Variants in ADGRB1 observed in about 807,000 individuals in gnomAD.
ADGRB1 encodes the protein brain-specific angiogenesis inhibitor 1.
ADGRB1 carries 36 observed loss-of-function variants against 175.7 expected under a neutral mutation model. The observed-to-expected ratio is 0.20, with a 90% CI of 0.16 to 0.27. The LOEUF (loss-of-function observed/expected upper bound fraction) is 0.27. ADGRB1 is among the 10% of genes least tolerant of loss of function. ADGRB1 has a pLI of 1.00. For missense variants in ADGRB1, 1,731 were observed against 2,255.3 expected (o/e 0.77, Z 4.71); for synonymous variants, 1,054 against 979.4 (o/e 1.08, Z -1.42).
chr8:142,511,034 C>T lies in ADGRB1; in HGVS notation c.2778C>T (p.Leu926=). ...GGACGCGCTGCCTCTGTGACCGGCT[C>T]TCCACCTTCGCCATCTTAGCCCAGC... ...ALRTRCLCDR[L]STFAILAQLS... The change falls in exon 18 of 31, where the codon CTC becomes CTT. Residue 926 remains leucine (L), a synonymous_variant. Transcript: ENST00000517894. This position sits in a 1 kb window ranked among gnomAD's most constrained non-coding sequence, Gnocchi z 4.5. The T allele has an allele frequency of 7.7e-7, 1 of 1,302,208 alleles. No individual in the cohort carries two copies. Among genetic ancestry groups the T allele is most frequent in the Non-Finnish European group, 9.9e-7 (1 of 1,007,466 alleles). The allele number at this position is 1,302,208 out of a possible 1,614,324, so 80.7% of individuals were successfully genotyped here.
intron 13 of ADGRB1, among the ~76,000 whole-genome samples, chr8:142,486,411 T>C (rs1174502030): frequency 6.6e-6 from 1 of 152,244 alleles, no homozygotes; most frequent in Non-Finnish European, 1.5e-5. Flanking sequence ...AGACCTGCCA[T>C]GACCGGGTTG....
intron 17 of ADGRB1, among the ~76,000 whole-genome samples, chr8:142,497,186 C>T (rs1239960173): frequency 6.6e-6 from 1 of 152,232 alleles, no homozygotes; most frequent in Non-Finnish European, 1.5e-5. Flanking sequence ...ATGGTTGTTC[C>T]CATCTGGCCT....
At position 142,464,126 on chromosome 8, in the gene ADGRB1, A is replaced by C; in HGVS notation, c.-73A>C. On this transcript the variant is annotated 5_prime_UTR_variant, in exon 2 of 31. Coordinates refer to ENST00000517894, the MANE Select transcript of ADGRB1 (RefSeq NM_001702.3). ...CCGGGCCGGCCCTGCCCGCCGCCGG[A>C]CCCTGGCATGTCAAGACCTGGTCCG... 9 of 920,432 alleles carry C rather than the reference A, an allele frequency of 9.8e-6. No homozygotes were observed. Among genetic ancestry groups the C allele is most frequent in the Non-Finnish European group, 1.2e-5 (9 of 769,256 alleles). 57.0% of individuals were successfully genotyped at this position (920,432 alleles called of 1,614,324 possible). A position where few individuals can be genotyped will look rare whatever the true frequency, so the allele number is the denominator to read the frequency against.
intron 2 of ADGRB1, among the ~76,000 whole-genome samples, chr8:142,469,150 TGC>T (rs1205396034): frequency 9.6e-5 from 2 of 20,728 alleles, no homozygotes; most frequent in African/African-American, 1.8e-4. Context: ...TGTGTGTGCA[TGC>T]GTGCATGTGT....
intron 16 of ADGRB1, 94 bp from the exon 17 acceptor site, chr8:142,490,678 T>C: frequency 1.4e-6 from 2 of 1,412,524 alleles, no homozygotes; most frequent in Non-Finnish European, 1.9e-6. Context: ...GTAGCATGCC[T>C]GGTAGCACAC....
intron 19 of ADGRB1, among the ~76,000 whole-genome samples, chr8:142,518,754 T>C (rs1843594859): frequency 6.6e-6 from 1 of 152,242 alleles, no homozygotes; most frequent in Admixed American, 6.5e-5. Flanking sequence ...AGCAGTAACA[T>C]GCCTGTTGAG....
intron 1 of ADGRB1, among the ~76,000 whole-genome samples, chr8:142,458,768 AC>A (rs774340736): frequency 1.4e-4 from 22 of 152,246 alleles, no homozygotes; most frequent in Non-Finnish European, 1.6e-4. Context: ...GGGCAGTTTG[AC>A]CCTGGAGAAG....
chr8:142,476,796 A>G (rs1316591464), intron 4 of ADGRB1, 101 bp downstream of exon 4: 1 of 1,197,768 alleles, frequency 8.3e-7, no homozygotes, highest in Non-Finnish European at 1.2e-6. Flanking sequence ...ATAACATGCC[A>G]TAACTAGACT....
intron 1 of ADGRB1, among the ~76,000 whole-genome samples, chr8:142,453,887 G>A (rs553167962): frequency 4.6e-5 from 7 of 152,302 alleles, no homozygotes; most frequent in African/African-American, 7.2e-5. Flanking sequence ...TCAGAGGTCC[G>A]GGCAGAAGGA....
chr8:142,470,167 A>AC (rs1563685886), intron 2 of ADGRB1, among the ~76,000 whole-genome samples: 3 of 149,498 alleles, frequency 2.0e-5, no homozygotes, highest in African/African-American at 7.5e-5. Flanking sequence ...CCCACGCCCC[A>AC]CCGCCCCCCA....
chr8:142,470,035 C>T (rs546097593), intron 2 of ADGRB1, among the ~76,000 whole-genome samples: 1 of 152,322 alleles, frequency 6.6e-6, no homozygotes, highest in African/African-American at 2.4e-5. Flanking sequence ...CAGGCCAGCC[C>T]GTGGCCCATT....
chr8:142,458,993 T>TTA (rs1839828469), intron 1 of ADGRB1, among the ~76,000 whole-genome samples: 1 of 152,184 alleles, frequency 6.6e-6, no homozygotes, highest in African/African-American at 2.4e-5. Flanking sequence ...ACTGTAACAC[T>TTA]TAAAGACAGG....
chr8:142,540,564 G>T (rs1845209507), intron 27 of ADGRB1, among the ~76,000 whole-genome samples: 1 of 152,214 alleles, frequency 6.6e-6, no homozygotes, highest in South Asian at 2.1e-4. Flanking sequence ...GAGGGGCCTG[G>T]GCCTGGGGGG....
At position 142,511,003 on chromosome 8, in the gene ADGRB1, C is replaced by A; in HGVS notation, c.2747C>A (p.Ala916Asp). The part of the protein sequence containing the change: ...WRGCRTVPLD[A>D]LRTRCLCDRL... ...GGCTGCCGCACGGTGCCCCTCGACG[C>A]CCTCCGGACGCGCTGCCTCTGTGAC... Residue 916 changes from alanine to aspartate, a missense_variant, in exon 18 of 31, where the codon GCC (alanine) becomes GAC (aspartate). Physicochemically the swap from Ala to Asp is moderately radical, Grantham distance 126 (BLOSUM62 -2). Coordinates refer to ENST00000517894, the MANE Select transcript of ADGRB1 (RefSeq NM_001702.3). The surrounding 1 kb of genome is among the most constrained non-coding windows in gnomAD (Gnocchi z 4.5). 7.5e-7 allele frequency: 1 copy of A among 1,325,616 alleles called. No individual in the cohort carries two copies. 82.1% of individuals were successfully genotyped at this position (1,325,616 alleles called of 1,614,324 possible).
chr8:142,515,274 G>A (rs565807040), intron 18 of ADGRB1, among the ~76,000 whole-genome samples: 5 of 152,344 alleles, frequency 3.3e-5, no homozygotes, highest in Non-Finnish European at 7.4e-5. Context: ...GCAGGGGCCC[G>A]GCCTGGCTCT....
At chr8:142,488,308 C>A in intron 13 of ADGRB1, 56 bp from the exon 14 acceptor site, 2 of 1,602,326 alleles carry the variant, frequency 1.2e-6, no homozygotes, top group Non-Finnish European at 1.7e-6. Flanking sequence ...TGAGGCCCCG[C>A]CACATCTGTG....
At chr8:142,465,104 G>C (rs1840197175) in intron 2 of ADGRB1, 122 bp downstream of exon 2, 2 of 935,762 alleles carry the variant, frequency 2.1e-6, no homozygotes, top group African/African-American at 3.5e-5. Context: ...GGCAGGCGGA[G>C]GTGGGTGGGT....
intron 25 of ADGRB1, 49 bp downstream of exon 25, chr8:142,533,515 C>A: frequency 6.5e-7 from 1 of 1,531,128 alleles, no homozygotes; most frequent in South Asian, 1.2e-5. Flanking sequence ...GGTCCTGGGG[C>A]TGCCGAGTGG....
chr8:142,527,963 C>T (rs762535614), intron 24 of ADGRB1, among the ~76,000 whole-genome samples: 11 of 152,226 alleles, frequency 7.2e-5, no homozygotes, highest in Admixed American at 6.5e-5. Flanking sequence ...CTCTGCCCAC[C>T]TCACCCTGTG....
Sources: gnomAD v4.1 joint callset for allele counts (sites outside exome capture counted in the v4.1 genomes callset) on GRCh38, gnomAD v4.1.1 for gene constraint, Gnocchi (gnomAD v3.1) non-coding constraint, MANE v1.5 for transcripts, NCBI Gene and HGNC (gene_info 2026-07-23, HGNC 2026-07-21) for gene names.